Variants in MCM5 observed in about 807,000 individuals in gnomAD.
The protein encoded by MCM5 is minichromosome maintenance complex component 5.
A neutral mutation model predicts 79.9 loss-of-function variants in MCM5; 46 were observed. The ratio of observed to expected loss-of-function variants is 0.58; its 90% CI spans 0.45 to 0.74. The LOEUF is 0.74. MCM5 is among the 30% of genes least tolerant of loss of function. MCM5 has a pLI of 0.00. For missense variants in MCM5, 883 were observed against 1,017.0 expected (o/e 0.87, Z 1.79); for synonymous variants, 404 against 390.5 (o/e 1.03, Z -0.41).
chr22:35,442,949 G>T, the MCM5 span, among the ~76,000 whole-genome samples: 1 of 152,146 alleles, frequency 6.6e-6, no homozygotes. Context: ...CGTGTCCTTG[G>T]CCCCCTTCTC....
the MCM5 span, among the ~76,000 whole-genome samples, chr22:35,437,051 C>T: frequency 6.6e-6 from 1 of 152,214 alleles, no homozygotes; most frequent in Non-Finnish European, 1.5e-5. Flanking sequence ...AACACAGCCA[C>T]AAACTTCTGA....
intron 9 of MCM5, 133 bp from the exon 10 acceptor site, chr22:35,415,696 G>A (rs1007036762): frequency 1.0e-6 from 1 of 985,804 alleles, no homozygotes; most frequent in African/African-American, 1.6e-5. Context: ...GGAGCCTTGA[G>A]TCCTATTCTG....
chr22:35,445,611 G>A, the MCM5 span, among the ~76,000 whole-genome samples: 3 of 151,734 alleles, frequency 2.0e-5, no homozygotes, highest in South Asian at 2.1e-4. Context: ...CTGGGTTCAC[G>A]CCATTCTCAT....
At chr22:35,427,221 CAT>C (rs957254392), downstream of MCM5, among the ~76,000 whole-genome samples, 43 of 152,328 alleles carry the variant, frequency 2.8e-4, no homozygotes, top group African/African-American at 9.9e-4. Flanking sequence ...TGCTGGAAAA[CAT>C]AGCAAAGGCT....
At chr22:35,420,885 T>C (rs1932675550) in intron 14 of MCM5, among the ~76,000 whole-genome samples, 1 of 152,100 alleles carries the variant, frequency 6.6e-6, no homozygotes, top group South Asian at 2.1e-4. Flanking sequence ...CCTAGCACTT[T>C]GGGAGGCTGA....
the MCM5 span, among the ~76,000 whole-genome samples, chr22:35,441,287 C>T: frequency 6.6e-6 from 1 of 152,154 alleles, no homozygotes; most frequent in African/African-American, 2.4e-5. Flanking sequence ...TAGATGTGTG[C>T]TGGTGGCCCT....
intron 16 of MCM5, chr22:35,423,582 T>G: frequency 2.8e-6 from 1 of 361,038 alleles, no homozygotes; most frequent in Non-Finnish European, 5.0e-6. Context: ...CAGAGGTGGT[T>G]GGATTCTGGT....
the MCM5 span, among the ~76,000 whole-genome samples, chr22:35,431,420 A>G: frequency 6.6e-6 from 1 of 152,214 alleles, no homozygotes; most frequent in African/African-American, 2.4e-5. Context: ...TTGGAGGCTT[A>G]GAAGGCTAGA....
chr22:35,414,958 T>G (rs1023841530), intron 9 of MCM5, among the ~76,000 whole-genome samples: 1 of 152,162 alleles, frequency 6.6e-6, no homozygotes, highest in Admixed American at 6.5e-5. Context: ...TGGTGGTCTT[T>G]GGATAGATAG....
At chr22:35,400,244 C>T (rs1048372811) in intron 1 of MCM5, 36 bp downstream of exon 1, 22 of 621,186 alleles carry the variant, frequency 3.5e-5, no homozygotes, top group Admixed American at 5.5e-5. Flanking sequence ...GACTGGGAGC[C>T]AGCAGGCATC....
chr22:35,424,299 C>T lies in MCM5; in HGVS notation c.*44C>T. On this transcript the variant is annotated 3_prime_UTR_variant, in exon 17 of 17. Transcript: ENST00000216122. Reference sequence around the variant, plus strand: ...ACTCATGGACTCGCCCACGCCTCGCCCCTCCTGCCGCTGCCTGCCATTGAC... The same window carrying T: ...ACTCATGGACTCGCCCACGCCTCGCTCCTCCTGCCGCTGCCTGCCATTGAC... The T allele has an allele frequency of 2.9e-6, 4 of 1,381,298 alleles. No homozygotes were observed. Among genetic ancestry groups the T allele is most frequent in the African/African-American group, 1.5e-5 (1 of 68,940 alleles). 85.6% of individuals were successfully genotyped at this position (1,381,298 alleles called of 1,614,324 possible). A position where few individuals can be genotyped will look rare whatever the true frequency, so the allele number is the denominator to read the frequency against.
At chr22:35,408,317 CA>C in intron 5 of MCM5, 90 bp from the exon 6 acceptor site, 1 of 1,286,006 alleles carries the variant, frequency 7.8e-7, no homozygotes, top group Non-Finnish European at 1.1e-6. Context: ...TTGCCGCTGG[CA>C]ACGTCTCCTT....
intron 5 of MCM5, among the ~76,000 whole-genome samples, chr22:35,407,137 G>A (rs1367056177): frequency 6.6e-6 from 1 of 152,166 alleles, no homozygotes; most frequent in African/African-American, 2.4e-5. Context: ...CAAAGGCAGG[G>A]TATGTGGCCT....
intron 12 of MCM5, 28 bp downstream of exon 12, chr22:35,416,842 A>C (rs1418937628): frequency 6.2e-7 from 1 of 1,606,862 alleles, no homozygotes; most frequent in Non-Finnish European, 8.5e-7. Flanking sequence ...GCTGGTGGCC[A>C]TGGGACCTGC....
intron 11 of MCM5, 52 bp downstream of exon 11, chr22:35,416,456 A>G (rs771261531): frequency 3.2e-6 from 5 of 1,581,292 alleles, no homozygotes; most frequent in Admixed American, 3.4e-5. Flanking sequence ...GCGTGGCCCA[A>G]CCGTCCTCAG....
At chr22:35,410,715 T>C in intron 6 of MCM5, 29 bp from the exon 7 acceptor site, 1 of 1,609,478 alleles carries the variant, frequency 6.2e-7, no homozygotes, top group South Asian at 1.1e-5. Flanking sequence ...ATCTCAGCTT[T>C]TCTCCTTTCT....
the MCM5 span, among the ~76,000 whole-genome samples, chr22:35,435,636 G>A: frequency 2.0e-5 from 3 of 152,338 alleles, no homozygotes; most frequent in African/African-American, 7.2e-5. Flanking sequence ...CTTGTCGCCT[G>A]AAGCCTTGGC....
At chr22:35,406,307 C>CCCT (rs1555903422) in intron 4 of MCM5, among the ~76,000 whole-genome samples, 2 of 144,352 alleles carry the variant, frequency 1.4e-5, no homozygotes, top group Non-Finnish European at 3.1e-5. Flanking sequence ...CCTCCCCCCC[C>CCCT]AATTGTGCTG....
At chr22:35,444,403 G>A in the MCM5 span, among the ~76,000 whole-genome samples, 58,685 of 152,082 alleles carry the variant, frequency 0.39, 13,668 homozygotes, top group Non-Finnish European at 0.52. Context: ...GGTGCTGTCT[G>A]CAGCCAGCTG....
Sources: gnomAD v4.1 joint callset for allele counts (sites outside exome capture counted in the v4.1 genomes callset) on GRCh38, gnomAD v4.1.1 for gene constraint, MANE v1.5 for transcripts, NCBI Gene and HGNC (gene_info 2026-07-23, HGNC 2026-07-21) for gene names.